The following CAST variants were observed in gnomAD, a reference collection of about 807,000 sequenced individuals.
CAST encodes the protein MIR583 host.
CAST carries 76 observed loss-of-function variants against 119.6 expected under a neutral mutation model. That is an observed-to-expected ratio of 0.64 (90% confidence interval 0.53 to 0.77). The LOEUF (loss-of-function observed/expected upper bound fraction) is 0.77, where lower values mean the gene tolerates loss of function less well. CAST is among the 30% of genes least tolerant of loss of function. CAST has a pLI of 0.00. For synonymous variants in CAST, 319 were observed against 331.6 expected (o/e 0.96, Z 0.41); for missense variants, 953 against 946.5 (o/e 1.01, Z -0.09).
At position 96,537,709 on chromosome 5, in the gene CAST, C is replaced by T. The variant is rs550326752; in HGVS notation, c.60+7829C>T. Among the ~76,000 whole-genome samples, 5 of 152,196 alleles carry T rather than the reference C, an allele frequency of 3.3e-5. No homozygotes were observed. The South Asian group carries it at 8.3e-4, about 25-fold the overall frequency. On this transcript the variant is annotated intron_variant, in intron 1 of 11. Transcript: ENST00000505143. ...AGAAAAACAAAGGGTGGATAACTTTCTCTTCCTTTGTTTTAGAAGTGCTGC... is the reference window on the plus strand; with the variant it reads ...AGAAAAACAAAGGGTGGATAACTTTTTCTTCCTTTGTTTTAGAAGTGCTGC...
intron 1 of CAST, among the ~76,000 whole-genome samples, chr5:96,535,843 G>C (rs1278870034): frequency 6.6e-6 from 1 of 150,970 alleles, no homozygotes; most frequent in Non-Finnish European, 1.5e-5. Context: ...AAAGTGCTGG[G>C]ATTACAGGCG....
chr5:96,147,603 AAAAACAAAAC>A, the CAST span, among the ~76,000 whole-genome samples: 78 of 151,946 alleles, frequency 5.1e-4, 1 homozygote, highest in African/African-American at 1.1e-3. Flanking sequence ...ACTCCGTCTC[AAAAACAAAAC>A]AAAACAAAAC....
At chr5:96,175,779 T>C in the CAST span, among the ~76,000 whole-genome samples, 1 of 152,232 alleles carries the variant, frequency 6.6e-6, no homozygotes. Flanking sequence ...GATAGAGCAG[T>C]ATGTTTAAAT....
chr5:96,237,230 A>G, the CAST span, among the ~76,000 whole-genome samples: 6 of 152,274 alleles, frequency 3.9e-5, no homozygotes, highest in South Asian at 1.0e-3. Flanking sequence ...CTAATTCTGC[A>G]AGGAGAGAGA....
At chr5:96,088,290 A>G in the CAST span, among the ~76,000 whole-genome samples, 2 of 152,152 alleles carry the variant, frequency 1.3e-5, no homozygotes, top group Non-Finnish European at 1.5e-5. Flanking sequence ...ATTACCCCTC[A>G]TGTCAGTTAA....
At chr5:96,344,166 A>C in the CAST span, among the ~76,000 whole-genome samples, 10 of 152,194 alleles carry the variant, frequency 6.6e-5, no homozygotes, top group East Asian at 1.9e-3. Flanking sequence ...ACAATATCAA[A>C]GGCTAGTACC....
chr5:96,765,141 A>G, intron 25 of CAST, 80 bp from the exon 26 acceptor site: 1 of 811,748 alleles, frequency 1.2e-6, no homozygotes, highest in South Asian at 1.5e-5. Context: ...TCCCTCCTGA[A>G]AAGATGGAGT....
At chr5:96,123,121 A>G in the CAST span, among the ~76,000 whole-genome samples, 10 of 152,114 alleles carry the variant, frequency 6.6e-5, no homozygotes, top group South Asian at 6.2e-4. Flanking sequence ...AAATGCATCA[A>G]TGGTCTCTTT....
intron 1 of CAST, among the ~76,000 whole-genome samples, chr5:96,592,653 G>T (rs1021190108): frequency 2.0e-5 from 3 of 151,938 alleles, no homozygotes; most frequent in African/African-American, 4.8e-5. Flanking sequence ...GAAACTCTTT[G>T]AGAACAAATT....
In CAST at chr5:96,568,744, T is replaced by C. The variant is rs1746521778; in HGVS notation, c.60+38864T>C. ...GGGAATATTTACTTTTTTTCCTTGT[T>C]GGACAGGGGAGTTATTTAAAGGAAT... On this transcript the variant is annotated intron_variant, in intron 1 of 11. Transcript: ENST00000505143. 5.3e-5 allele frequency among the ~76,000 whole-genome samples: 8 copies of C among 151,940 alleles called. 1 individual carries two copies. Among genetic ancestry groups the C allele is most frequent in the Admixed American group, 4.6e-4 (7 of 15,246 alleles).
intron 1 of CAST, among the ~76,000 whole-genome samples, chr5:96,562,212 C>T (rs997988154): frequency 3.3e-5 from 5 of 150,502 alleles, no homozygotes; most frequent in African/African-American, 7.3e-5. Context: ...CACACAAATC[C>T]ATAGGGTAAA....
chr5:96,653,661 T>C (rs1034328317), intron 1 of CAST, among the ~76,000 whole-genome samples: 1 of 152,226 alleles, frequency 6.6e-6, no homozygotes. Context: ...AGCTCTTTTC[T>C]TTTTCTTCTT....
chr5:96,694,428 G>A (rs1753052962), intron 2 of CAST, among the ~76,000 whole-genome samples: 2 of 152,136 alleles, frequency 1.3e-5, no homozygotes, highest in Non-Finnish European at 2.9e-5. Flanking sequence ...ACGAGGTCAG[G>A]AGATCGAGAC....
chr5:96,747,289 G>T (rs906751258), intron 17 of CAST, 56 bp from the exon 18 acceptor site: 67 of 1,032,098 alleles, frequency 6.5e-5, no homozygotes, highest in Non-Finnish European at 1.0e-4. Context: ...AACTTGATGG[G>T]ACATGAAAGC....
At chr5:96,200,137 C>T in the CAST span, among the ~76,000 whole-genome samples, 4 of 152,086 alleles carry the variant, frequency 2.6e-5, no homozygotes, top group Admixed American at 6.6e-5. Flanking sequence ...CAAAGCTGCC[C>T]GTGTGAATGG....
the CAST span, among the ~76,000 whole-genome samples, chr5:96,266,193 T>C: frequency 1.3e-5 from 2 of 152,148 alleles, no homozygotes; most frequent in Admixed American, 6.5e-5. Context: ...CCTGAGCAGA[T>C]GGTAAGAGAA....
the CAST span, among the ~76,000 whole-genome samples, chr5:95,979,031 C>T: frequency 6.6e-6 from 1 of 152,062 alleles, no homozygotes; most frequent in Non-Finnish European, 1.5e-5. Flanking sequence ...GAGCAAAGTA[C>T]ATTTCTGAAA....
chr5:96,154,390 T>C, the CAST span, among the ~76,000 whole-genome samples: 5,247 of 152,272 alleles, frequency 0.034, 130 homozygotes, highest in Non-Finnish European at 0.052. Flanking sequence ...ACTTAAAATT[T>C]TAGAACTGTT....
the CAST span, among the ~76,000 whole-genome samples, chr5:96,249,066 G>C: frequency 1.3e-5 from 2 of 152,176 alleles, no homozygotes; most frequent in African/African-American, 2.4e-5. Context: ...TTGTCACATA[G>C]TTGCTACATG....
Sources: gnomAD v4.1 joint callset for allele counts (sites outside exome capture counted in the v4.1 genomes callset) on GRCh38, gnomAD v4.1.1 for gene constraint, MANE v1.5 for transcripts, NCBI Gene and HGNC (gene_info 2026-07-23, HGNC 2026-07-21) for gene names.